DNAH5: variants seen among roughly 807,000 people sequenced by gnomAD.
DNAH5 encodes dynein axonemal heavy chain 5.
A neutral mutation model predicts 518.2 loss-of-function variants in DNAH5; 372 were observed. The ratio of observed to expected loss-of-function variants is 0.72; its 90% CI spans 0.66 to 0.78. The LOEUF (loss-of-function observed/expected upper bound fraction) is 0.78, where lower values mean the gene tolerates loss of function less well. DNAH5 is among the 30% of genes least tolerant of loss of function. The pLI is 0.00. For missense variants in DNAH5, 5,523 were observed against 5,687.0 expected (o/e 0.97, Z 0.93); for synonymous variants, 2,039 against 2,025.9 (o/e 1.01, Z -0.17).
chr5:13,872,777 G>A (rs1040476819), intron 22 of DNAH5, among the ~76,000 whole-genome samples: 2 of 152,096 alleles, frequency 1.3e-5, no homozygotes, highest in African/African-American at 2.4e-5. Context: ...TCACAGAGGA[G>A]TACAGTCCTG....
intron 75 of DNAH5, among the ~76,000 whole-genome samples, chr5:13,710,157 C>T (rs1005192420): frequency 6.6e-6 from 1 of 152,156 alleles, no homozygotes; most frequent in African/African-American, 2.4e-5. Context: ...AGAAAACCCC[C>T]AGTACCAGCC....
intron 73 of DNAH5, 61 bp downstream of exon 73, chr5:13,717,254 G>C: frequency 1.3e-6 from 2 of 1,487,148 alleles, no homozygotes; most frequent in Non-Finnish European, 1.9e-6. Context: ...AGGAGGTCCC[G>C]TGAGCTTGAT....
intron 12 of DNAH5, among the ~76,000 whole-genome samples, chr5:13,906,997 C>A (rs377686607): frequency 6.6e-6 from 1 of 151,836 alleles, no homozygotes; most frequent in Non-Finnish European, 1.5e-5. Context: ...AAATTAAAAA[C>A]AAAGAAGTAA....
intron 1 of DNAH5, among the ~76,000 whole-genome samples, chr5:13,958,531 A>T (rs1409316511): frequency 6.6e-6 from 1 of 152,174 alleles, no homozygotes; most frequent in Non-Finnish European, 1.5e-5. Flanking sequence ...ACACATCCAG[A>T]AAAAGGAATA....
At position 13,714,565 on chromosome 5, in the gene DNAH5, A is replaced by G; in HGVS notation, c.12965T>C (p.Ile4322Thr). ...EVFGLHPNAD[I>T]TYQSKLAKDV... Reference sequence around the variant, plus strand: ...CTTGGCCAGCTTGCTCTGGTAGGTGATGTCAGCATTGGGGTGCAGCCCAAA... The same window carrying G: ...CTTGGCCAGCTTGCTCTGGTAGGTGGTGTCAGCATTGGGGTGCAGCCCAAA... Residue 4322 changes from isoleucine (I) to threonine (T), a missense_variant, in exon 75 of 79, where the codon ATC becomes ACC. Physicochemically the swap from Ile to Thr is moderately conservative, Grantham distance 89. Around this residue, in one of 3 missense-constraint regions of DNAH5, gnomAD observed 387 missense variants for 430.0 expected, o/e 0.90. Coordinates refer to ENST00000265104, the MANE Select transcript of DNAH5 (RefSeq NM_001369.3). 1.9e-6 allele frequency: 3 copies of G among 1,614,144 alleles called. No individual in the cohort carries two copies. Among genetic ancestry groups the G allele is most frequent in the Admixed American group, 3.3e-5 (2 of 60,016 alleles).
intron 1 of DNAH5, among the ~76,000 whole-genome samples, chr5:13,949,990 C>A (rs1780255003): frequency 6.6e-6 from 1 of 152,314 alleles, no homozygotes; most frequent in South Asian, 2.1e-4. Flanking sequence ...TTGCAGGTAA[C>A]TTCTGGCTCC....
chr5:13,737,053 C>T (rs1366349496), intron 66 of DNAH5, among the ~76,000 whole-genome samples, 199 bp downstream of exon 66: 1 of 152,170 alleles, frequency 6.6e-6, no homozygotes, highest in Non-Finnish European at 1.5e-5. Flanking sequence ...ACATGAATGA[C>T]AAGTACCCAG....
intron 3 of DNAH5, among the ~76,000 whole-genome samples, chr5:13,926,868 A>G (rs1005751739): frequency 7.2e-5 from 11 of 152,194 alleles, no homozygotes; most frequent in African/African-American, 2.7e-4. Context: ...TGGTGTAGAA[A>G]CCAAACCTTC....
chr5:13,820,537 AAT>A (rs1762081537), intron 40 of DNAH5, 38 bp from the exon 41 acceptor site: 1 of 1,611,028 alleles, frequency 6.2e-7, no homozygotes, highest in South Asian at 1.1e-5. Context: ...GAAACACAAC[AAT>A]GATGGCCGGA....
chr5:13,700,808 T>G lies in DNAH5; in HGVS notation c.13555A>C (p.Lys4519Gln). 2 of 1,614,194 alleles carry G rather than the reference T, an allele frequency of 1.2e-6. No homozygotes were observed. Among genetic ancestry groups the G allele is most frequent in the Non-Finnish European group, 1.7e-6 (2 of 1,180,016 alleles). ...DNMVLCNEVT[K>Q]WMKDDISAPP... Reference sequence around the variant, plus strand: ...GCAGAAATGTCGTCCTTCATCCATTTGGTGACTTCATTGCAAAGCACCATA... The same window carrying G: ...GCAGAAATGTCGTCCTTCATCCATTGGGTGACTTCATTGCAAAGCACCATA... Residue 4519 changes from lysine to glutamine, a missense_variant, in exon 78 of 79, where the codon AAA becomes CAA. By Grantham distance (53) the Lys-to-Gln change is moderately conservative. This residue lies in a region of DNAH5 where 387 missense variants were observed against 430.0 expected (regional missense o/e 0.90). Transcript: ENST00000265104.
At chr5:13,889,538 C>T (rs1424846261) in intron 17 of DNAH5, among the ~76,000 whole-genome samples, 3 of 152,148 alleles carry the variant, frequency 2.0e-5, no homozygotes, top group African/African-American at 7.2e-5. Flanking sequence ...GGAGGGTTCC[C>T]CCTGTTGCCC....
chr5:13,830,330 G>A lies in DNAH5; in HGVS notation c.6062-117C>T, dbSNP rs1763478987. The A allele has an allele frequency of 5.8e-6, 6 of 1,031,112 alleles. No homozygotes were observed. The South Asian group carries it at 8.3e-5, about 14-fold the overall frequency. 63.9% of individuals were successfully genotyped at this position (1,031,112 alleles called of 1,614,324 possible). On this transcript the variant is annotated intron_variant, in intron 36 of 78. Coordinates refer to ENST00000265104, the MANE Select transcript of DNAH5 (RefSeq NM_001369.3). The stretch of plus-strand genomic sequence containing the variant: ...ATGTAAGTTCATTCAAAAGTAAAGT[G>A]CAACAAATAGATCTATGCATCAAGT...
rs77171541 is a variant in DNAH5, at chr5:13,842,423, AAAAGAAAGAAAGAAAGAAAGAAAGAAAG to A, written c.5272-547_5272-520del. 1.2e-4 allele frequency among the ~76,000 whole-genome samples: 9 copies of A among 75,898 alleles called. 1 individual carries two copies. The East Asian group carries it at 1.6e-3, about 13-fold the overall frequency. The allele number at this position is 75,898 out of a possible 152,430, so 49.8% of individuals were successfully genotyped here. A position where few individuals can be genotyped will look rare whatever the true frequency, so the allele number is the denominator to read the frequency against. Reference sequence around the variant, plus strand: ...AACAGAGCGAGAAAGAAAAGAAAAGAAAAGAAAGAAAGAAAGAAAGAAAGAAAGAAAGAAAGAAAGAAAGAAAGAAAGA... The same window carrying A: ...AACAGAGCGAGAAAGAAAAGAAAAGAAAAGAAAGAAAGAAAGAAAGAAAGA... On this transcript the variant is annotated intron_variant, in intron 32 of 78. Transcript: ENST00000265104.
chr5:13,816,159 T>A (rs139490761), intron 42 of DNAH5, among the ~76,000 whole-genome samples: 102 of 152,214 alleles, frequency 6.7e-4, no homozygotes, highest in Middle Eastern at 6.8e-3. Flanking sequence ...AAGCTGGAGG[T>A]CAGGGGTGTC....
chr5:13,988,509 C>T (rs1427098956), intron 1 of DNAH5, among the ~76,000 whole-genome samples: 1 of 151,952 alleles, frequency 6.6e-6, no homozygotes, highest in Non-Finnish European at 1.5e-5. Flanking sequence ...CCTCTGCCTC[C>T]AGGGTTCAAG....
chr5:13,972,108 C>T (rs1220593052), intron 1 of DNAH5, among the ~76,000 whole-genome samples: 1 of 152,144 alleles, frequency 6.6e-6, no homozygotes, highest in Non-Finnish European at 1.5e-5. Context: ...TGGGGAAAAG[C>T]CAGCAGTGAC....
intron 1 of DNAH5, among the ~76,000 whole-genome samples, chr5:13,974,127 T>C (rs1482562036): frequency 2.6e-5 from 4 of 151,448 alleles, no homozygotes; most frequent in African/African-American, 9.7e-5. Flanking sequence ...TTTTAATTAG[T>C]TTTTTCTTTT....
At chr5:13,811,189 G>A (rs1760649452) in intron 44 of DNAH5, among the ~76,000 whole-genome samples, 1 of 152,110 alleles carries the variant, frequency 6.6e-6, no homozygotes, top group Admixed American at 6.5e-5. Context: ...AACTGAGGGA[G>A]TCCAATTGTA....
intron 30 of DNAH5, among the ~76,000 whole-genome samples, chr5:13,856,395 T>C (rs1261705001): frequency 6.6e-6 from 1 of 152,002 alleles, no homozygotes; most frequent in East Asian, 1.9e-4. Context: ...CTAGAAAATC[T>C]AGAAGAAATG....
Sources: gnomAD v4.1 joint callset for allele counts (sites outside exome capture counted in the v4.1 genomes callset) on GRCh38, gnomAD v4.1.1 for gene constraint, gnomAD v4.1.1 regional missense constraint, MANE v1.5 for transcripts, NCBI Gene and HGNC (gene_info 2026-07-23, HGNC 2026-07-21) for gene names.